SLC52A3: variants seen among roughly 807,000 people sequenced by gnomAD.
SLC52A3 encodes solute carrier family 52, riboflavin transporter, member 3.
SLC52A3 carries 20 observed loss-of-function variants against 29.5 expected under a neutral mutation model. That is an observed-to-expected ratio of 0.68 (90% confidence interval 0.48 to 0.99). The LOEUF (loss-of-function observed/expected upper bound fraction) is 0.99, where lower values mean the gene tolerates loss of function less well. Ranked by LOEUF, SLC52A3 falls within the 50% of genes least tolerant of loss-of-function variation. SLC52A3 has a pLI of 0.00. For synonymous variants in SLC52A3, 301 were observed against 271.0 expected (o/e 1.11, Z -1.09); for missense variants, 548 against 612.9 (o/e 0.89, Z 1.12).
intron 4 of SLC52A3, 192 bp from the exon 5 acceptor site, chr20:761,430 G>A (rs1658004627): frequency 2.9e-5 from 22 of 761,156 alleles, no homozygotes; most frequent in South Asian, 1.1e-4. Flanking sequence ...GAATCCAGTG[G>A]CTTTTCTGGG....
At chr20:779,003 T>A (rs547957335), upstream of SLC52A3, among the ~76,000 whole-genome samples, 1 of 152,256 alleles carries the variant, frequency 6.6e-6, no homozygotes, top group South Asian at 2.1e-4. Context: ...TAATGAAACA[T>A]CAATATTGGT....
chr20:778,421 A>C (rs920206920), upstream of SLC52A3, among the ~76,000 whole-genome samples: 2 of 152,174 alleles, frequency 1.3e-5, no homozygotes, highest in African/African-American at 4.8e-5. Context: ...CAAAGCCCTA[A>C]GACCCTATTC....
chr20:772,882 G>A (rs1986889196), upstream of SLC52A3, among the ~76,000 whole-genome samples: 1 of 152,170 alleles, frequency 6.6e-6, no homozygotes, highest in South Asian at 2.1e-4. Context: ...AGAAAGCACG[G>A]TCCAGGGGAG....
chr20:777,391 T>C (rs6085854), upstream of SLC52A3, among the ~76,000 whole-genome samples: 44,626 of 151,952 alleles, frequency 0.29, 8,159 homozygotes, highest in Non-Finnish European at 0.41. Flanking sequence ...TGGCTGGCAA[T>C]CATTTATGTC....
chr20:761,133 C>T lies in SLC52A3; in HGVS notation c.1303G>A (p.Ala435Thr). The T allele has an allele frequency of 1.3e-6, 2 of 1,593,230 alleles. No homozygotes were observed. The highest frequency in any genetic ancestry group is 1.7e-6 in the Non-Finnish European group (2 of 1,171,160). Reference protein sequence around the residue: ...SRSALLWCGAAVQLGSLLGAL... With the variant: ...SRSALLWCGATVQLGSLLGAL... ...CCGAGCAGCGAGCCCAGCTGCACCGCCGCCCCGCACCACAAGAGGGCGCTG... is the reference window on the plus strand; with the variant it reads ...CCGAGCAGCGAGCCCAGCTGCACCGTCGCCCCGCACCACAAGAGGGCGCTG... The change falls in exon 5 of 5, where the codon GCG (alanine) becomes ACG (threonine). Residue 435 changes from alanine to threonine, a missense_variant. Physicochemically the swap from Ala to Thr is moderately conservative, Grantham distance 58. Coordinates refer to ENST00000645534, the MANE Select transcript of SLC52A3 (RefSeq NM_033409.4).
intron 4 of SLC52A3, chr20:761,481 G>A (rs1986477312): frequency 1.4e-6 from 1 of 733,938 alleles, no homozygotes; most frequent in Non-Finnish European, 2.2e-6. Flanking sequence ...TTGAGAGAAG[G>A]CCCCTGCTGA....
chr20:770,155 G>GTTTTTTTTTT (rs71191969), upstream of SLC52A3, among the ~76,000 whole-genome samples: 1 of 143,162 alleles, frequency 7.0e-6, no homozygotes. This position sits in a 1 kb window ranked among gnomAD's most constrained non-coding sequence, Gnocchi z 4.5. Flanking sequence ...TCTGACTGCT[G>GTTTTTTTTTT]TTTTTTTTTT....
chr20:762,887 C>T (rs1986537520), intron 3 of SLC52A3, among the ~76,000 whole-genome samples: 1 of 152,202 alleles, frequency 6.6e-6, no homozygotes, highest in Non-Finnish European at 1.5e-5. Flanking sequence ...TGGTAGTTCT[C>T]CTACAGGGGT....
upstream of SLC52A3, among the ~76,000 whole-genome samples, chr20:772,483 G>A (rs1986871134): frequency 1.3e-5 from 2 of 152,176 alleles, no homozygotes; most frequent in South Asian, 4.1e-4. Context: ...TTAGGCAGAG[G>A]GAACTACATG....
At chr20:778,809 A>T (rs1987138027), upstream of SLC52A3, among the ~76,000 whole-genome samples, 1 of 150,678 alleles carries the variant, frequency 6.6e-6, no homozygotes, top group Non-Finnish European at 1.5e-5. Context: ...CGAACTCCTG[A>T]CCTCAGGTGA....
intron 3 of SLC52A3, 82 bp from the exon 4 acceptor site, chr20:761,906 C>G: frequency 6.3e-7 from 1 of 1,593,320 alleles, no homozygotes; most frequent in Non-Finnish European, 8.6e-7. Context: ...ATGTGGATGG[C>G]CAGTGTCTCC....
rs775230450 is a variant in SLC52A3 at position 760,992 on chromosome 20, T to C, written c.*34A>G. 91 of 1,570,176 alleles carry C rather than the reference T, an allele frequency of 5.8e-5. No individual in the cohort carries two copies. Among genetic ancestry groups the C allele is most frequent in the Non-Finnish European group, 7.2e-5 (83 of 1,159,356 alleles). ...CTGGCCTCTCTGGACCCCAGTTCCGTCCGTGAGCGATGGGGGCGGGGTCGG... is the reference window on the plus strand; with the variant it reads ...CTGGCCTCTCTGGACCCCAGTTCCGCCCGTGAGCGATGGGGGCGGGGTCGG... On this transcript the variant is annotated 3_prime_UTR_variant, in exon 5 of 5. Coordinates refer to ENST00000645534, the MANE Select transcript of SLC52A3 (RefSeq NM_033409.4). This position sits in a 1 kb window ranked among gnomAD's most constrained non-coding sequence, Gnocchi z 4.9.
intron 4 of SLC52A3, 171 bp downstream of exon 4, chr20:761,530 T>A: frequency 1.0e-6 from 1 of 987,048 alleles, no homozygotes; most frequent in Non-Finnish European, 1.5e-6. Flanking sequence ...GTCACCTCGA[T>A]TCCCTAAGCC....
upstream of SLC52A3, among the ~76,000 whole-genome samples, chr20:773,034 C>G (rs1164623291): frequency 6.6e-6 from 1 of 152,206 alleles, no homozygotes; most frequent in Non-Finnish European, 1.5e-5. Flanking sequence ...CAGGGCAGGT[C>G]CCCTGTGGCC....
intron 3 of SLC52A3, 69 bp downstream of exon 3, chr20:763,429 T>C: frequency 6.2e-7 from 1 of 1,602,436 alleles, no homozygotes; most frequent in South Asian, 1.1e-5. Context: ...AGTAGGTGCG[T>C]TTGGAATTCT....
chr20:761,257 A>G lies in SLC52A3; in HGVS notation c.1198-19T>C. 6.5e-7 allele frequency: 1 copy of G among 1,541,566 alleles called. No homozygotes were observed. Among genetic ancestry groups the G allele is most frequent in the South Asian group, 1.2e-5 (1 of 83,872 alleles). ...AGGCCACCTGCGGGGCCGGGAGGGA[A>G]GAGGTGCAGAGTCACGGGGCTTGCG... On this transcript the variant is annotated intron_variant, in intron 4 of 4. Coordinates refer to ENST00000645534, the MANE Select transcript of SLC52A3 (RefSeq NM_033409.4).
At chr20:763,122 T>G (rs1289466002) in intron 3 of SLC52A3, among the ~76,000 whole-genome samples, 2 of 152,224 alleles carry the variant, frequency 1.3e-5, no homozygotes, top group Admixed American at 1.3e-4. Context: ...TTTCCCCTTA[T>G]AAACGGGAAC....
At chr20:776,867 C>G (rs1336347156), upstream of SLC52A3, among the ~76,000 whole-genome samples, 3 of 150,366 alleles carry the variant, frequency 2.0e-5, no homozygotes, top group Non-Finnish European at 4.4e-5. Flanking sequence ...GGGGGGGGGG[C>G]CACAGGAGCA....
upstream of SLC52A3, among the ~76,000 whole-genome samples, chr20:779,344 G>A (rs1233812636): frequency 2.0e-5 from 3 of 152,166 alleles, no homozygotes; most frequent in Non-Finnish European, 2.9e-5. Context: ...TGAGGGGGCC[G>A]GGCACGGTGG....
Sources: gnomAD v4.1 joint callset for allele counts (sites outside exome capture counted in the v4.1 genomes callset) on GRCh38, gnomAD v4.1.1 for gene constraint, Gnocchi (gnomAD v3.1) non-coding constraint, MANE v1.5 for transcripts, NCBI Gene and HGNC (gene_info 2026-07-23, HGNC 2026-07-21) for gene names.